The following SUPT3H variants were observed in gnomAD, a reference collection of about 807,000 sequenced individuals.
SUPT3H encodes the protein SPT3 homolog, SAGA and STAGA complex component, also known as transcription initiation protein SPT3 homolog.
Under a neutral mutation model 44.3 loss-of-function variants are expected in SUPT3H, and 44 were observed. The ratio of observed to expected loss-of-function variants is 0.99; its 90% CI spans 0.78 to 1.28. The LOEUF is 1.28. Ranked by LOEUF, SUPT3H falls within the 50% of genes most tolerant of loss-of-function variation. SUPT3H has a pLI of 0.00. For missense variants in SUPT3H, 380 were observed against 387.1 expected, an observed-to-expected ratio of 0.98 and a Z score of 0.15; for synonymous variants, 124 against 125.6, an observed-to-expected ratio of 0.99 and a Z score of 0.09.
At chr6:45,212,102 G>A (rs1469857066) in intron 2 of SUPT3H, among the ~76,000 whole-genome samples, 1 of 151,906 alleles carries the variant, frequency 6.6e-6, no homozygotes, top group Non-Finnish European at 1.5e-5. Context: ...GGAGGCAGAG[G>A]CTGAAGTGAG....
At chr6:44,938,185 T>C (rs1196851161) in intron 9 of SUPT3H, among the ~76,000 whole-genome samples, 1 of 152,008 alleles carries the variant, frequency 6.6e-6, no homozygotes, top group Admixed American at 6.6e-5. Context: ...AGGTTTACTT[T>C]GAGTATCTTT....
rs192502371 is a variant in SUPT3H at position 44,820,038 on chromosome 6, C to T, written c.*52+9726G>A. 4.6e-5 allele frequency among the ~76,000 whole-genome samples: 7 copies of T among 151,814 alleles called. No homozygotes were observed. In the East Asian group the frequency reaches 9.9e-4, roughly 21 times the overall value. ...AGGAATTCAAGACCAGCCTGGGCAA[C>T]GTGGTGAAACCCTGTCTCTACCAAA... On this transcript the variant is annotated intron_variant and NMD_transcript_variant, in intron 11 of 11. Transcript: ENST00000475057.
At chr6:45,171,061 G>A (rs549059556) in intron 2 of SUPT3H, among the ~76,000 whole-genome samples, 1 of 152,194 alleles carries the variant, frequency 6.6e-6, no homozygotes, top group South Asian at 2.1e-4. Flanking sequence ...TATTGGCAGT[G>A]GAATCAAAAG....
intron 5 of SUPT3H, 125 bp from the exon 6 acceptor site, chr6:45,003,917 T>TA: frequency 2.7e-6 from 3 of 1,100,872 alleles, no homozygotes; most frequent in Non-Finnish European, 3.8e-6. Flanking sequence ...AATAATCTTT[T>TA]AAAAAATTCT....
chr6:45,225,928 A>C (rs1766857148), intron 2 of SUPT3H, among the ~76,000 whole-genome samples: 1 of 152,178 alleles, frequency 6.6e-6, no homozygotes, highest in South Asian at 2.1e-4. Flanking sequence ...AGCAATAAAC[A>C]TGGAGCCAAC....
chr6:45,324,350 G>A lies in SUPT3H; in HGVS notation c.101+40851C>T, dbSNP rs143101474. Among the ~76,000 whole-genome samples, 267 of 152,056 alleles carry A rather than the reference G, an allele frequency of 1.8e-3. 3 individuals carry two copies. The highest frequency in any genetic ancestry group is 6.3e-3 in the African/African-American group (261 of 41,526). ...ATTAAAAACAGCTGAAAGAAATTAAGTCTCTATAATCAGATGCCAATACTA... is the reference window on the plus strand; with the variant it reads ...ATTAAAAACAGCTGAAAGAAATTAAATCTCTATAATCAGATGCCAATACTA... On this transcript the variant is annotated intron_variant, in intron 2 of 10. Transcript: ENST00000371459.
chr6:45,346,172 ATT>A (rs71713889), intron 2 of SUPT3H, among the ~76,000 whole-genome samples: 34,264 of 151,952 alleles, frequency 0.23, 4,515 homozygotes, highest in Non-Finnish European at 0.31. Flanking sequence ...ACCACCTGTC[ATT>A]CTCTCAGTTT....
intron 2 of SUPT3H, among the ~76,000 whole-genome samples, chr6:45,117,060 G>T (rs1040270604): frequency 7.9e-5 from 12 of 152,116 alleles, no homozygotes; most frequent in Admixed American, 6.6e-4. Context: ...ACTTGAATCA[G>T]AGTAGTTTGG....
intron 2 of SUPT3H, among the ~76,000 whole-genome samples, chr6:45,341,067 T>C (rs576384959): frequency 6.6e-6 from 1 of 152,320 alleles, no homozygotes; most frequent in East Asian, 1.9e-4. Context: ...CTTTTTCCTG[T>C]GCCTACCAAA....
chr6:45,355,338 C>T (rs1442237507), intron 2 of SUPT3H, among the ~76,000 whole-genome samples: 1 of 151,692 alleles, frequency 6.6e-6, no homozygotes, highest in Non-Finnish European at 1.5e-5. Flanking sequence ...CTAATTTTTT[C>T]CTTTTCAGAA....
At chr6:44,917,049 G>C (rs999652973) in intron 10 of SUPT3H, among the ~76,000 whole-genome samples, 2 of 152,112 alleles carry the variant, frequency 1.3e-5, no homozygotes, top group African/African-American at 4.8e-5. Context: ...AGCTATTTGG[G>C]AGGCTGAGGC....
At chr6:45,128,784 C>G (rs1375648866) in intron 2 of SUPT3H, among the ~76,000 whole-genome samples, 2 of 150,482 alleles carry the variant, frequency 1.3e-5, no homozygotes, top group Admixed American at 1.3e-4. Context: ...CTCCTGGGTT[C>G]AAACGATTCT....
At chr6:44,902,414 A>G (rs549298083) in intron 10 of SUPT3H, among the ~76,000 whole-genome samples, 3 of 152,296 alleles carry the variant, frequency 2.0e-5, no homozygotes, top group African/African-American at 7.2e-5. Flanking sequence ...TTAAAATTAC[A>G]AAGATCAAAA....
At chr6:45,101,753 G>A (rs947179406) in intron 3 of SUPT3H, among the ~76,000 whole-genome samples, 2 of 151,914 alleles carry the variant, frequency 1.3e-5, no homozygotes, top group African/African-American at 4.8e-5. Context: ...AACACACTGT[G>A]CCCCATAAAT....
At chr6:45,296,738 C>CA (rs60921436) in intron 2 of SUPT3H, among the ~76,000 whole-genome samples, 18,040 of 29,556 alleles carry the variant, frequency 0.61, 6,828 homozygotes, top group East Asian at 0.86. Context: ...GACTCTGTCT[C>CA]AAAAAAAAAA....
At chr6:44,957,550 CAG>C (rs978929893) in intron 7 of SUPT3H, among the ~76,000 whole-genome samples, 1 of 151,860 alleles carries the variant, frequency 6.6e-6, no homozygotes, top group African/African-American at 2.4e-5. Context: ...AGGACAGAAA[CAG>C]ATATTTTGTG....
At chr6:45,228,124 A>T (rs1767265631) in intron 2 of SUPT3H, among the ~76,000 whole-genome samples, 1 of 152,196 alleles carries the variant, frequency 6.6e-6, no homozygotes, top group Non-Finnish European at 1.5e-5. Context: ...CAGTAAGTGA[A>T]GCCAAAAATG....
At chr6:44,843,514 T>TA (rs774154194) in intron 10 of SUPT3H, among the ~76,000 whole-genome samples, 3 of 152,162 alleles carry the variant, frequency 2.0e-5, no homozygotes, top group Non-Finnish European at 4.4e-5. Context: ...ACAGAAAACT[T>TA]ACTGGAACTA....
At chr6:45,002,302 A>C (rs949478213) in intron 6 of SUPT3H, among the ~76,000 whole-genome samples, 2 of 152,004 alleles carry the variant, frequency 1.3e-5, no homozygotes, top group African/African-American at 4.8e-5. Context: ...AGAGCTACAA[A>C]ATGTTCCATT....
Sources: gnomAD v4.1 joint callset for allele counts (sites outside exome capture counted in the v4.1 genomes callset) on GRCh38, gnomAD v4.1.1 for gene constraint, MANE v1.5 for transcripts, NCBI Gene and HGNC (gene_info 2026-07-23, HGNC 2026-07-21) for gene names.